Variants in CACNG2 observed in about 807,000 individuals in gnomAD.
CACNG2 encodes the protein voltage-dependent calcium channel gamma-2 subunit.
In CACNG2, 3 loss-of-function variants were observed where a neutral mutation model predicts 25.9. That is an observed-to-expected ratio of 0.12 (90% confidence interval 0.05 to 0.30). The LOEUF is 0.30. Ranked by LOEUF, CACNG2 falls within the 10% of genes least tolerant of loss-of-function variation. The pLI is 1.00. For synonymous variants in CACNG2, 167 were observed against 173.3 expected (o/e 0.96, Z 0.29); for missense variants, 341 against 432.5 (o/e 0.79, Z 1.88).
At chr22:36,639,249 G>A (rs573363712) in intron 1 of CACNG2, among the ~76,000 whole-genome samples, 25 of 152,304 alleles carry the variant, frequency 1.6e-4, no homozygotes, top group Non-Finnish European at 3.2e-4. Context: ...TAAAAAGTAC[G>A]TAAAAACTAA....
intron 1 of CACNG2, among the ~76,000 whole-genome samples, chr22:36,674,474 G>C (rs963923541): frequency 1.3e-5 from 2 of 151,992 alleles, no homozygotes; most frequent in African/African-American, 4.8e-5. Context: ...GATTACAGAC[G>C]TGCACCACCA....
chr22:36,563,302 C>T lies in CACNG2; in HGVS notation c.*1049G>A, dbSNP rs1345629980. 1.3e-5 allele frequency among the ~76,000 whole-genome samples: 2 copies of T among 152,014 alleles called. No homozygotes were observed. The highest frequency in any genetic ancestry group is 2.9e-5 in the Non-Finnish European group (2 of 67,972). ...GCTTATGAGTCAGGGGGTCCACCAT[C>T]GCCCCAGGGTCATCAGGTGGCCCTG... On this transcript the variant is annotated 3_prime_UTR_variant, in exon 4 of 4. Coordinates refer to ENST00000300105, the MANE Select transcript of CACNG2 (RefSeq NM_006078.5).
intron 2 of CACNG2, among the ~76,000 whole-genome samples, chr22:36,583,200 A>T (rs1368214164): frequency 1.3e-5 from 2 of 152,088 alleles, no homozygotes; most frequent in Non-Finnish European, 1.5e-5. Context: ...TGGGAGGCTG[A>T]GGTGGGCAGA....
chr22:36,620,643 T>G (rs1169924387), intron 1 of CACNG2, among the ~76,000 whole-genome samples: 1 of 152,250 alleles, frequency 6.6e-6, no homozygotes, highest in East Asian at 1.9e-4. Context: ...ACCTTTTTTT[T>G]GCTCATCTGT....
intron 1 of CACNG2, among the ~76,000 whole-genome samples, chr22:36,601,986 A>G (rs1935760498): frequency 6.6e-6 from 1 of 152,082 alleles, no homozygotes; most frequent in African/African-American, 2.4e-5. Context: ...GACACTCGTT[A>G]TCTCATGTCT....
intron 2 of CACNG2, among the ~76,000 whole-genome samples, chr22:36,567,378 C>T (rs924961015): frequency 1.3e-5 from 2 of 152,102 alleles, no homozygotes; most frequent in Admixed American, 6.6e-5. Flanking sequence ...CTCTGTTCAA[C>T]GACACAGTAG....
chr22:36,696,588 A>G (rs1194426760), intron 1 of CACNG2, among the ~76,000 whole-genome samples: 1 of 152,188 alleles, frequency 6.6e-6, no homozygotes, highest in Admixed American at 6.5e-5. Flanking sequence ...CACAGCAGTG[A>G]GCAGAACAGA....
intron 2 of CACNG2, among the ~76,000 whole-genome samples, chr22:36,567,607 C>CA (rs1438722830): frequency 1.4e-5 from 2 of 143,450 alleles, no homozygotes; most frequent in African/African-American, 5.3e-5. Flanking sequence ...AAAAGGGGGA[C>CA]AGGTGGCTAA....
chr22:36,568,192 T>C (rs1935160253), intron 2 of CACNG2, among the ~76,000 whole-genome samples: 1 of 152,076 alleles, frequency 6.6e-6, no homozygotes, highest in South Asian at 2.1e-4. Flanking sequence ...TCTAAGGAAG[T>C]TGAGTCCTGA....
At chr22:36,624,352 C>T (rs1337815758) in intron 1 of CACNG2, among the ~76,000 whole-genome samples, 1 of 152,174 alleles carries the variant, frequency 6.6e-6, no homozygotes, top group Non-Finnish European at 1.5e-5. Flanking sequence ...TCTTCCCCGT[C>T]AGTGCCCCGA....
chr22:36,572,185 C>T (rs1360787373), intron 2 of CACNG2, among the ~76,000 whole-genome samples: 2 of 152,246 alleles, frequency 1.3e-5, no homozygotes, highest in East Asian at 3.8e-4. Flanking sequence ...AGCCCCTCCC[C>T]TGTACCAGGC....
At chr22:36,689,603 CA>C (rs1251149606) in intron 1 of CACNG2, among the ~76,000 whole-genome samples, 2 of 152,182 alleles carry the variant, frequency 1.3e-5, no homozygotes, top group African/African-American at 4.8e-5. Flanking sequence ...AATTACTGGA[CA>C]ATTTTTCCTA....
chr22:36,650,896 C>A (rs1409746243), intron 1 of CACNG2, among the ~76,000 whole-genome samples: 1 of 152,200 alleles, frequency 6.6e-6, no homozygotes, highest in Admixed American at 6.5e-5. Flanking sequence ...CTACCTGAGT[C>A]ACCTTTCTCT....
intron 1 of CACNG2, among the ~76,000 whole-genome samples, chr22:36,685,354 C>A (rs1937181929): frequency 6.6e-6 from 1 of 152,200 alleles, no homozygotes; most frequent in Admixed American, 6.5e-5. Flanking sequence ...CCTTCTCACG[C>A]TCTTTCCCCA....
intron 1 of CACNG2, among the ~76,000 whole-genome samples, chr22:36,666,698 TA>T (rs949172995): frequency 2.6e-5 from 4 of 151,174 alleles, no homozygotes; most frequent in Admixed American, 1.3e-4. Flanking sequence ...TTTACCACAA[TA>T]AAAAAAATAG....
At chr22:36,599,057 G>T (rs990430649) in intron 1 of CACNG2, among the ~76,000 whole-genome samples, 3 of 152,166 alleles carry the variant, frequency 2.0e-5, no homozygotes, top group Admixed American at 6.5e-5. Flanking sequence ...GTGTGTTGAA[G>T]AAACACTTGC....
chr22:36,576,673 A>G (rs1020998735), intron 2 of CACNG2, among the ~76,000 whole-genome samples: 1 of 152,100 alleles, frequency 6.6e-6, no homozygotes, highest in Non-Finnish European at 1.5e-5. Context: ...GGTGAGAAAT[A>G]GAAAGAGAAG....
chr22:36,673,868 A>G (rs1936987872), intron 1 of CACNG2, among the ~76,000 whole-genome samples: 1 of 152,186 alleles, frequency 6.6e-6, no homozygotes, highest in South Asian at 2.1e-4. Flanking sequence ...ACTTCCAGGA[A>G]GTGAAAACAC....
intron 1 of CACNG2, among the ~76,000 whole-genome samples, chr22:36,700,489 C>T (rs951453714): frequency 2.6e-5 from 4 of 152,226 alleles, no homozygotes; most frequent in African/African-American, 9.6e-5. Flanking sequence ...CCTCTAGTCT[C>T]TTGGCTACCT....
Sources: allele counts gnomAD v4.1 joint callset (sites outside exome capture counted in the v4.1 genomes callset), GRCh38; gene constraint gnomAD v4.1.1; transcripts MANE v1.5; gene names NCBI Gene and HGNC (gene_info 2026-07-23, HGNC 2026-07-21).